Variants in FAM171B observed in about 807,000 individuals in gnomAD.
The protein encoded by FAM171B is protein FAM171B.
A neutral mutation model predicts 75.6 loss-of-function variants in FAM171B; 19 were observed. The observed-to-expected ratio is 0.25, with a 90% CI of 0.18 to 0.37. FAM171B has a LOEUF of 0.37. Among genes scored for constraint, FAM171B ranks in the 10% least tolerant of loss-of-function variants. The pLI is 1.00. For synonymous variants in FAM171B, 367 were observed against 361.7 expected, an observed-to-expected ratio of 1.01 and a Z score of -0.17; for missense variants, 848 against 982.4, an observed-to-expected ratio of 0.86 and a Z score of 1.83.
chr2:186,712,592 G>A (rs141511377), intron 1 of FAM171B, among the ~76,000 whole-genome samples: 33 of 152,268 alleles, frequency 2.2e-4, no homozygotes, highest in African/African-American at 7.7e-4. Context: ...ACTGTCAGTC[G>A]ATCATATTAA....
At chr2:186,761,040 C>G (rs956668253) in intron 6 of FAM171B, 73 bp from the exon 7 acceptor site, 1 of 1,486,082 alleles carries the variant, frequency 6.7e-7, no homozygotes, top group East Asian at 2.3e-5. Context: ...CAATTTGCCT[C>G]ACCCAGGATG....
chr2:186,751,351 A>C, intron 5 of FAM171B, 47 bp downstream of exon 5: 1 of 1,435,492 alleles, frequency 7.0e-7, no homozygotes. Context: ...CATATTTGTC[A>C]ATTGACTAGC....
chr2:186,759,695 T>C (rs1201540544), intron 6 of FAM171B, among the ~76,000 whole-genome samples: 4 of 152,078 alleles, frequency 2.6e-5, no homozygotes, highest in Non-Finnish European at 5.9e-5. Flanking sequence ...TTATTAGAAT[T>C]TTTCCTCTGG....
intron 1 of FAM171B, chr2:186,695,338 C>T (rs756143295): frequency 5.3e-5 from 8 of 152,186 alleles, no homozygotes; most frequent in Non-Finnish European, 1.0e-4. Context: ...ACCCCGCAAC[C>T]CACTTCGCTT....
intron 1 of FAM171B, among the ~76,000 whole-genome samples, chr2:186,698,476 A>G (rs1689611597): frequency 6.6e-6 from 1 of 152,010 alleles, no homozygotes; most frequent in Non-Finnish European, 1.5e-5. Flanking sequence ...TTTCACCCAT[A>G]CTTCTACCTG....
Position 186,743,587 on chromosome 2 carries a change from A to T in FAM171B, c.565+12A>T. 1 of 1,505,956 alleles carries T rather than the reference A, an allele frequency of 6.6e-7. No individual in the cohort carries two copies. The highest frequency in any genetic ancestry group is 1.1e-5 in the South Asian group (1 of 88,058). The allele number at this position is 1,505,956 out of a possible 1,614,324, so 93.3% of individuals were successfully genotyped here. Reference sequence around the variant, plus strand: ...TGGAAAATTAGCTGGTAAGTACCATACTTCTTACTAAGTAAACACTTAAAG... The same window carrying T: ...TGGAAAATTAGCTGGTAAGTACCATTCTTCTTACTAAGTAAACACTTAAAG... On this transcript the variant is annotated intron_variant, in intron 3 of 7. Transcript: ENST00000304698.
At chr2:186,743,396 T>G in intron 2 of FAM171B, 87 bp from the exon 3 acceptor site, 3 of 844,814 alleles carry the variant, frequency 3.6e-6, no homozygotes, top group Non-Finnish European at 3.8e-6. Flanking sequence ...ACACACTTTT[T>G]GAGACTTGCT....
intron 6 of FAM171B, among the ~76,000 whole-genome samples, chr2:186,755,240 G>A (rs1041154511): frequency 3.9e-5 from 6 of 152,142 alleles, no homozygotes; most frequent in African/African-American, 1.4e-4. Flanking sequence ...TTTTCAGTAT[G>A]TGTTGGCATA....
At chr2:186,734,381 C>T (rs1048754589) in intron 1 of FAM171B, among the ~76,000 whole-genome samples, 6 of 151,898 alleles carry the variant, frequency 4.0e-5, no homozygotes, top group African/African-American at 1.2e-4. Context: ...TAGAGGAGGA[C>T]TGGGGTGGGT....
chr2:186,720,230 G>A (rs1315872051), intron 1 of FAM171B, among the ~76,000 whole-genome samples: 1 of 152,146 alleles, frequency 6.6e-6, no homozygotes, highest in Non-Finnish European at 1.5e-5. Context: ...AAGAGATGGG[G>A]TTTCACCATG....
chr2:186,710,883 T>TACAC (rs368340956), intron 1 of FAM171B, among the ~76,000 whole-genome samples: 3 of 150,532 alleles, frequency 2.0e-5, no homozygotes, highest in Admixed American at 6.6e-5. Flanking sequence ...TTACTGTCTT[T>TACAC]ACACACACAC....
chr2:186,712,593 A>G lies in FAM171B; in HGVS notation c.238+18182A>G, dbSNP rs760715576. Among the ~76,000 whole-genome samples, 9 of 152,198 alleles carry G rather than the reference A, an allele frequency of 5.9e-5. No homozygotes were observed. In the South Asian group the frequency reaches 6.2e-4, roughly 11 times the overall value. On this transcript the variant is annotated intron_variant, in intron 1 of 7. Coordinates refer to ENST00000304698, the MANE Select transcript of FAM171B (RefSeq NM_177454.4). ...CTTTGAGTTGGAGAACTGTCAGTCGATCATATTAATATACTGAAGTACAAT... is the reference window on the plus strand; with the variant it reads ...CTTTGAGTTGGAGAACTGTCAGTCGGTCATATTAATATACTGAAGTACAAT...
Position 186,751,221 on chromosome 2 carries a change from T to G in FAM171B, c.812T>G (p.Ile271Ser). The G allele has an allele frequency of 6.2e-7, 1 of 1,612,078 alleles. No homozygotes were observed. The highest frequency in any genetic ancestry group is 8.5e-7 in the Non-Finnish European group (1 of 1,178,654). Reference protein sequence around the residue: ...GGKELKVNGSIQVSLPLLRLN... With the variant: ...GGKELKVNGSSQVSLPLLRLN... ...AAAGAACTAAAGGTCAATGGCTCTA[T>G]TCAAGTTTCTCTTCCTCTTCTACGT... Residue 271 changes from isoleucine (I) to serine (S), a missense_variant, in exon 5 of 8, where the codon ATT becomes AGT. This residue lies in a region of FAM171B where 665 missense variants were observed against 729.0 expected (regional missense o/e 0.91). Coordinates refer to ENST00000304698, the MANE Select transcript of FAM171B (RefSeq NM_177454.4).
chr2:186,728,433 C>T (rs989410240), intron 1 of FAM171B, among the ~76,000 whole-genome samples: 1 of 152,144 alleles, frequency 6.6e-6, no homozygotes, highest in Non-Finnish European at 1.5e-5. Flanking sequence ...ATCCCCATCT[C>T]GTGCAGATCT....
At chr2:186,730,899 C>T (rs1260784899) in intron 1 of FAM171B, among the ~76,000 whole-genome samples, 1 of 151,740 alleles carries the variant, frequency 6.6e-6, no homozygotes, top group Non-Finnish European at 1.5e-5. Flanking sequence ...ATCTGTAAAT[C>T]CAAAGGCTCT....
chr2:186,754,485 C>T (rs1198013959), intron 6 of FAM171B, among the ~76,000 whole-genome samples: 2 of 152,174 alleles, frequency 1.3e-5, no homozygotes, highest in African/African-American at 4.8e-5. Flanking sequence ...GCCAGATGGC[C>T]TAGTTAGCAG....
chr2:186,694,784 CACACACACA>C (rs1689555725), intron 1 of FAM171B, among the ~76,000 whole-genome samples: 4 of 151,110 alleles, frequency 2.6e-5, no homozygotes, highest in African/African-American at 7.3e-5. Context: ...CACACACACA[CACACACACA>C]CCGTTCTTAA....
rs1689541478 is a variant in FAM171B at position 186,694,301 on chromosome 2, A to G, written c.128A>G (p.Gln43Arg). The change falls in exon 1 of 8, where the codon CAA becomes CGA. Residue 43 changes from glutamine (Q) to arginine (R), a missense_variant. By Grantham distance (43) the Gln-to-Arg change is conservative (BLOSUM62 1). Coordinates refer to ENST00000304698, the MANE Select transcript of FAM171B (RefSeq NM_177454.4). ...ELSRSDLSLIQQQQQQQQQQQ... is the reference protein window; with the variant it reads ...ELSRSDLSLIRQQQQQQQQQQ... ...AGCCGCTCCGACCTCAGCCTCATCC[A>G]ACAGCAGCAGCAGCAGCAGCAACAA... 4 of 1,546,084 alleles carry G rather than the reference A, an allele frequency of 2.6e-6. No homozygotes were observed. The African/African-American group carries it at 7.1e-5, about 28-fold the overall frequency.
At chr2:186,732,484 G>T (rs940151268) in intron 1 of FAM171B, among the ~76,000 whole-genome samples, 3 of 152,138 alleles carry the variant, frequency 2.0e-5, no homozygotes, top group African/African-American at 4.8e-5. Context: ...TCAACTGACG[G>T]GTGTAAGGCA....
Sources: gnomAD v4.1 joint callset for allele counts (sites outside exome capture counted in the v4.1 genomes callset) on GRCh38, gnomAD v4.1.1 for gene constraint, gnomAD v4.1.1 regional missense constraint, MANE v1.5 for transcripts, NCBI Gene and HGNC (gene_info 2026-07-23, HGNC 2026-07-21) for gene names.